The following DISP2 variants were observed in gnomAD, a reference collection of about 807,000 sequenced individuals.
The protein encoded by DISP2 is protein dispatched homolog 2.
DISP2 carries 59 observed loss-of-function variants against 95.5 expected under a neutral mutation model. That is an observed-to-expected ratio of 0.62 (90% CI 0.50 to 0.77). The LOEUF is 0.77. Among genes scored for constraint, DISP2 ranks in the 30% least tolerant of loss-of-function variants. The probability of loss-of-function intolerance (pLI) is 0.00; values close to 1 mark genes in which losing one functional copy is unlikely to be tolerated. For synonymous variants in DISP2, 827 were observed against 815.0 expected, an observed-to-expected ratio of 1.01 and a Z score of -0.25; for missense variants, 1,752 against 1,854.6, an observed-to-expected ratio of 0.94 and a Z score of 1.02.
chr15:40,365,512 G>T, intron 6 of DISP2, 116 bp from the exon 7 acceptor site: 1 of 1,348,002 alleles, frequency 7.4e-7, no homozygotes, highest in Admixed American at 1.7e-5. Context: ...CCATGCACAG[G>T]CTTGAGATGC....
In DISP2 at chr15:40,369,126, G is replaced by A. The variant is rs1373070289; in HGVS notation, c.3014G>A (p.Gly1005Glu). ...AVAGTVLLTVGLLVLLEWQLN... is the reference protein window; with the variant it reads ...AVAGTVLLTVELLVLLEWQLN... ...GCAGGCACCGTGCTGCTCACTGTAGGACTCCTGGTTCTCCTCGAGTGGCAG... is the reference window on the plus strand; with the variant it reads ...GCAGGCACCGTGCTGCTCACTGTAGAACTCCTGGTTCTCCTCGAGTGGCAG... The change falls in exon 8 of 8, where the codon GGA becomes GAA. Residue 1005 changes from glycine (G) to glutamate (E), a missense_variant. This residue lies in a region of DISP2 where 317 missense variants were observed against 394.9 expected (regional missense o/e 0.80). Transcript: ENST00000267889. 6.2e-7 allele frequency: 1 copy of A among 1,613,924 alleles called. No homozygotes were observed.
chr15:40,365,736 G>C lies in DISP2; in HGVS notation c.945+11G>C, dbSNP rs367796363. The C allele has an allele frequency of 2.0e-5, 32 of 1,613,328 alleles. No homozygotes were observed. The East Asian group carries it at 2.9e-4, about 15-fold the overall frequency. On this transcript the variant is annotated intron_variant, in intron 7 of 7. Transcript: ENST00000267889. ...ATGGAACAGGACCAGGTGAGCTGGT[G>C]GGGGAGGTGCCAGGGGTTTGGGGGG...
At position 40,368,520 on chromosome 15, in the gene DISP2, C is replaced by A; in HGVS notation, c.2408C>A (p.Ala803Asp). Residue 803 changes from alanine (A) to aspartate (D), a missense_variant, in exon 8 of 8, where the codon GCC becomes GAC. Around this residue, in one of 5 missense-constraint regions of DISP2, gnomAD observed 732 missense variants for 714.6 expected, o/e 1.02. Transcript: ENST00000267889. ...SSLVRDPAFS[A>D]SGPEAQRWLL... Reference sequence around the variant, plus strand: ...CTGGTGAGGGACCCTGCCTTCTCGGCCAGCGGCCCTGAGGCCCAGCGCTGG... The same window carrying A: ...CTGGTGAGGGACCCTGCCTTCTCGGACAGCGGCCCTGAGGCCCAGCGCTGG... 6.2e-7 allele frequency: 1 copy of A among 1,606,120 alleles called. No homozygotes were observed.
chr15:40,372,787 T>C lies in DISP2; in HGVS notation c.*2469T>C, dbSNP rs958346042. The C allele has an allele frequency of 6.6e-6, 1 of 152,182 alleles. No individual in the cohort carries two copies. Among genetic ancestry groups the C allele is most frequent in the Non-Finnish European group, 1.5e-5 (1 of 68,048 alleles). 9.4% of individuals were successfully genotyped at this position (152,182 alleles called of 1,614,324 possible). On this transcript the variant is annotated 3_prime_UTR_variant, in exon 8 of 8. Coordinates refer to ENST00000267889, the MANE Select transcript of DISP2 (RefSeq NM_033510.3). ...CCTCCCAAGCATGAGCAGAAGACAC[T>C]TTGCCTGAACATAACCACTGAAATG... is the stretch of plus-strand genomic sequence containing the variant.
chr15:40,362,433 T>G (rs1370338024), intron 1 of DISP2, among the ~76,000 whole-genome samples: 3 of 152,222 alleles, frequency 2.0e-5, no homozygotes, highest in Admixed American at 1.3e-4. Context: ...GCACCACTAT[T>G]AGCAGCCAGC....
In DISP2 at chr15:40,358,443, A is replaced by AG. The variant is rs922390439; in HGVS notation, c.119+6dup. Reference sequence around the variant, plus strand: ...CCAGACGGCGGCTCCCCGGACAGGTAGGGCGGACAGCTCCGCAGATCCGTA... The same window carrying AG: ...CCAGACGGCGGCTCCCCGGACAGGTAGGGGCGGACAGCTCCGCAGATCCGTA... On this transcript the variant is annotated splice_donor_region_variant and intron_variant, in intron 1 of 7. Coordinates refer to ENST00000267889, the MANE Select transcript of DISP2 (RefSeq NM_033510.3). The AG allele has an allele frequency of 7.6e-7, 1 of 1,308,114 alleles. No individual in the cohort carries two copies. The highest frequency in any genetic ancestry group is 9.7e-7 in the Non-Finnish European group (1 of 1,027,598). 81.0% of individuals were successfully genotyped at this position (1,308,114 alleles called of 1,614,324 possible).
intron 6 of DISP2, 32 bp from the exon 7 acceptor site, chr15:40,365,596 A>G: frequency 6.2e-7 from 1 of 1,611,972 alleles, no homozygotes; most frequent in Non-Finnish European, 8.5e-7. Context: ...GGGCCAAAGG[A>G]CTGAGCTCCA....
rs1204433293 is a variant in DISP2, at chr15:40,369,480, T to C, written c.3368T>C (p.Ile1123Thr). Reference sequence around the variant, plus strand: ...GGGCCAGAGAAGAACTGTGGGCAGATCCTCTGGCCCTGTGCCCACCTGCCA... The same window carrying C: ...GGGCCAGAGAAGAACTGTGGGCAGACCCTCTGGCCCTGTGCCCACCTGCCA... Reference protein sequence around the residue: ...FFGPEKNCGQILWPCAHLPWD... With the variant: ...FFGPEKNCGQTLWPCAHLPWD... Residue 1123 changes from isoleucine (I) to threonine (T), a missense_variant, in exon 8 of 8, where the codon ATC becomes ACC. Around this residue, in one of 5 missense-constraint regions of DISP2, gnomAD observed 317 missense variants for 394.9 expected, o/e 0.80. Coordinates refer to ENST00000267889, the MANE Select transcript of DISP2 (RefSeq NM_033510.3). 6.2e-7 allele frequency: 1 copy of C among 1,613,048 alleles called. No homozygotes were observed. The highest frequency in any genetic ancestry group is 8.5e-7 in the Non-Finnish European group (1 of 1,179,984).
Position 40,370,473 on chromosome 15 carries a change from C to G in DISP2, c.*155C>G. 7.9e-7 allele frequency: 1 copy of G among 1,270,588 alleles called. No homozygotes were observed. Among genetic ancestry groups the G allele is most frequent in the Non-Finnish European group, 1.1e-6 (1 of 926,548 alleles). 78.7% of individuals were successfully genotyped at this position (1,270,588 alleles called of 1,614,324 possible). A position where few individuals can be genotyped will look rare whatever the true frequency, so the allele number is the denominator to read the frequency against. ...TGTTAAACCCTGCCAGATGTCCCAGCCTTGATCTGTCTGCTCCTACTCCTC... is the reference window on the plus strand; with the variant it reads ...TGTTAAACCCTGCCAGATGTCCCAGGCTTGATCTGTCTGCTCCTACTCCTC... On this transcript the variant is annotated 3_prime_UTR_variant, in exon 8 of 8. Transcript: ENST00000267889.
At position 40,359,742 on chromosome 15, in the gene DISP2, A is replaced by C. The variant is rs145182125; in HGVS notation, c.119+1302A>C. Among the ~76,000 whole-genome samples, 46 of 152,266 alleles carry C rather than the reference A, an allele frequency of 3.0e-4. No individual in the cohort carries two copies. The East Asian group carries it at 8.9e-3, about 29-fold the overall frequency. ...GACTTCTCCAGAGACCATAGACACT[A>C]ATTGGGCATAGGGACTTGCTTATGT... On this transcript the variant is annotated intron_variant, in intron 1 of 7. Coordinates refer to ENST00000267889, the MANE Select transcript of DISP2 (RefSeq NM_033510.3).
Position 40,367,991 on chromosome 15 carries a change from C to T in DISP2, c.1879C>T (p.Leu627=), listed in dbSNP as rs8040755. The change falls in exon 8 of 8, where the codon CTG becomes TTG. Residue 627 remains leucine (L), a synonymous_variant. Transcript: ENST00000267889. Reference sequence around the variant, plus strand: ...CGCCCTCTTCATGGGCACGGCTGTGCTGGTGCACCTGGCGCTCACGCTGGT... The same window carrying T: ...CGCCCTCTTCATGGGCACGGCTGTGTTGGTGCACCTGGCGCTCACGCTGGT... The part of the protein sequence containing the change: ...CLALFMGTAV[L]VHLALTLVWL... The T allele has an allele frequency of 0.11, 173,487 of 1,544,794 alleles. 10,604 individuals carry two copies. The highest frequency in any genetic ancestry group is 0.13 in the Non-Finnish European group (148,401 of 1,151,990).
intron 1 of DISP2, among the ~76,000 whole-genome samples, chr15:40,359,056 C>T (rs917849238): frequency 1.3e-5 from 2 of 152,224 alleles, no homozygotes; most frequent in Admixed American, 6.5e-5. Context: ...CCTGTACCAC[C>T]CCTGGAGGAG....
chr15:40,370,892 C>T lies in DISP2; in HGVS notation c.*574C>T. The T allele has an allele frequency of 3.6e-6, 1 of 274,972 alleles. No individual in the cohort carries two copies. Among genetic ancestry groups the T allele is most frequent in the Non-Finnish European group, 7.5e-6 (1 of 133,478 alleles). The allele number at this position is 274,972 out of a possible 1,614,324, so 17.0% of individuals were successfully genotyped here. A position where few individuals can be genotyped will look rare whatever the true frequency, so the allele number is the denominator to read the frequency against. ...CTCTCCTCATACTCACCGGTTTGAC[C>T]AGAAATTCTCCAAATCCAGCCATAG... On this transcript the variant is annotated 3_prime_UTR_variant, in exon 8 of 8. Coordinates refer to ENST00000267889, the MANE Select transcript of DISP2 (RefSeq NM_033510.3).
intron 7 of DISP2, among the ~76,000 whole-genome samples, chr15:40,365,945 C>T (rs1420981688): frequency 6.6e-6 from 1 of 152,194 alleles, no homozygotes; most frequent in Non-Finnish European, 1.5e-5. Flanking sequence ...GTGCTGGAAG[C>T]GAGCCCATGC....
At chr15:40,365,784 A>G (rs1889489613) in intron 7 of DISP2, 59 bp downstream of exon 7, 1 of 1,540,212 alleles carries the variant, frequency 6.5e-7, no homozygotes, top group Admixed American at 1.7e-5. Context: ...GAGGGAACTG[A>G]TCCCAAGGAA....
In DISP2 at chr15:40,368,693, C is replaced by A. The variant is rs145486974; in HGVS notation, c.2581C>A (p.His861Asn). Residue 861 changes from histidine (H) to asparagine (N), a missense_variant, in exon 8 of 8, where the codon CAC becomes AAC. His to Asn is a moderately conservative substitution (Grantham distance 68). Coordinates refer to ENST00000267889, the MANE Select transcript of DISP2 (RefSeq NM_033510.3). ...CCTGGGGCCTGACCTCTGCTGCGGC[C>A]ACTCGGACTTCCCCTGGGCCCCCCA... ...ARLGPDLCCGHSDFPWAPQFF... is the reference protein window; with the variant it reads ...ARLGPDLCCGNSDFPWAPQFF... The A allele has an allele frequency of 3.7e-4, 593 of 1,612,844 alleles. 2 individuals carry two copies. In the African/African-American group the frequency reaches 7.1e-3, roughly 19 times the overall value.
In DISP2 at chr15:40,368,522, A is replaced by G; in HGVS notation, c.2410A>G (p.Ser804Gly). 3.1e-6 allele frequency: 5 copies of G among 1,605,840 alleles called. No individual in the cohort carries two copies. Among genetic ancestry groups the G allele is most frequent in the Non-Finnish European group, 4.2e-6 (5 of 1,179,886 alleles). The change falls in exon 8 of 8, where the codon AGC becomes GGC. Residue 804 changes from serine (S) to glycine (G), a missense_variant. Transcript: ENST00000267889. ...GGTGAGGGACCCTGCCTTCTCGGCC[A>G]GCGGCCCTGAGGCCCAGCGCTGGCT... Reference protein sequence around the residue: ...SLVRDPAFSASGPEAQRWLLA... With the variant: ...SLVRDPAFSAGGPEAQRWLLA...
Position 40,367,897 on chromosome 15 carries a change from C to T in DISP2, c.1785C>T (p.Val595=), listed in dbSNP as rs1245766840. The part of the protein sequence containing the change: ...TMHHFGYLLL[V]SGLTTSAAFY... ...ACCACTTCGGCTACCTGCTGCTGGTCTCCGGCCTCACCACGAGCGCGGCCT... is the reference window on the plus strand; with the variant it reads ...ACCACTTCGGCTACCTGCTGCTGGTTTCCGGCCTCACCACGAGCGCGGCCT... Residue 595 remains valine, a synonymous_variant, in exon 8 of 8, where the codon GTC becomes GTT. Coordinates refer to ENST00000267889, the MANE Select transcript of DISP2 (RefSeq NM_033510.3). 6.3e-7 allele frequency: 1 copy of T among 1,598,396 alleles called. No homozygotes were observed. The highest frequency in any genetic ancestry group is 8.5e-7 in the Non-Finnish European group (1 of 1,179,382).
Position 40,367,753 on chromosome 15 carries a change from C to T in DISP2, c.1641C>T (p.Ala547=). 1.9e-6 allele frequency: 3 copies of T among 1,611,868 alleles called. No individual in the cohort carries two copies. Among genetic ancestry groups the T allele is most frequent in the Non-Finnish European group, 2.5e-6 (3 of 1,180,026 alleles). ...MAYFPFVNLA[A]LLLLSSVCAN... ...ACTTCCCCTTCGTCAATCTGGCAGC[C>T]CTCCTCCTGCTGAGCAGCGTCTGCG... Residue 547 remains alanine, a synonymous_variant, in exon 8 of 8, where the codon GCC becomes GCT. Coordinates refer to ENST00000267889, the MANE Select transcript of DISP2 (RefSeq NM_033510.3).
Sources: gnomAD v4.1 joint callset for allele counts (sites outside exome capture counted in the v4.1 genomes callset) on GRCh38, gnomAD v4.1.1 for gene constraint, gnomAD v4.1.1 regional missense constraint, MANE v1.5 for transcripts, NCBI Gene and HGNC (gene_info 2026-07-23, HGNC 2026-07-21) for gene names.